NAV2: variants seen among roughly 807,000 people sequenced by gnomAD.
NAV2 encodes the protein neuron navigator 2.
NAV2 carries 54 observed loss-of-function variants against 223.2 expected under a neutral mutation model. The ratio of observed to expected loss-of-function variants is 0.24; its 90% CI spans 0.19 to 0.30. The LOEUF is 0.30. Among genes scored for constraint, NAV2 ranks in the 10% least tolerant of loss-of-function variants. The pLI is 1.00. For synonymous variants in NAV2, 1,279 were observed against 1,239.3 expected (o/e 1.03, Z -0.67); for missense variants, 2,806 against 3,147.5 (o/e 0.89, Z 2.60).
In NAV2 at chr11:19,805,595, T is replaced by C. The variant is rs1185453890; in HGVS notation, c.268-26889T>C. Reference sequence around the variant, plus strand: ...AGGTGACAGCTATTTATGGTTCCTATTGACTAGGGCCAAACCTGAACTGTC... The same window carrying C: ...AGGTGACAGCTATTTATGGTTCCTACTGACTAGGGCCAAACCTGAACTGTC... On this transcript the variant is annotated intron_variant, in intron 1 of 37. Coordinates refer to ENST00000349880, the MANE Select transcript of NAV2 (RefSeq NM_145117.5). Among the ~76,000 whole-genome samples the C allele has an allele frequency of 3.3e-5, 5 of 152,366 alleles. No individual in the cohort carries two copies. In the East Asian group the frequency reaches 9.6e-4, roughly 29 times the overall value.
At chr11:19,440,632 G>T (rs926786756) in intron 1 of NAV2, among the ~76,000 whole-genome samples, 4 of 152,196 alleles carry the variant, frequency 2.6e-5, no homozygotes, top group African/African-American at 9.6e-5. Context: ...TAGGTTAAGT[G>T]CAGTCAAGTA....
intron 1 of NAV2, among the ~76,000 whole-genome samples, chr11:19,695,514 G>A (rs890842097): frequency 6.6e-6 from 1 of 152,032 alleles, no homozygotes; most frequent in African/African-American, 2.4e-5. Context: ...TAGCTGTCCT[G>A]GGATTGATTG....
intron 11 of NAV2, among the ~76,000 whole-genome samples, chr11:20,005,917 T>A (rs1771860695): frequency 1.3e-5 from 2 of 152,254 alleles, no homozygotes; most frequent in South Asian, 4.1e-4. Context: ...TTGACTCATT[T>A]AATCCTCATG....
intron 1 of NAV2, among the ~76,000 whole-genome samples, chr11:19,380,084 T>C (rs1848785719): frequency 6.6e-6 from 1 of 152,230 alleles, no homozygotes; most frequent in African/African-American, 2.4e-5. Context: ...CCCTTTTACC[T>C]AATCTTCTTC....
intron 1 of NAV2, among the ~76,000 whole-genome samples, chr11:19,573,629 G>A (rs1294401598): frequency 6.6e-6 from 1 of 152,206 alleles, no homozygotes; most frequent in African/African-American, 2.4e-5. Flanking sequence ...TTATGGATGG[G>A]AAAGCTAGGT....
intron 1 of NAV2, among the ~76,000 whole-genome samples, chr11:19,555,821 T>C (rs1342695024): frequency 1.3e-5 from 2 of 152,044 alleles, no homozygotes; most frequent in Admixed American, 6.6e-5. Flanking sequence ...TGGAAGAAGA[T>C]GTACCTTCCT....
chr11:20,073,899 A>AT (rs1321063649), intron 22 of NAV2, among the ~76,000 whole-genome samples: 10 of 152,170 alleles, frequency 6.6e-5, no homozygotes, highest in Admixed American at 2.0e-4. Flanking sequence ...GGATTCACTG[A>AT]TTTTTTGAAG....
chr11:20,058,706 C>A (rs2058513393), intron 19 of NAV2, among the ~76,000 whole-genome samples: 1 of 152,220 alleles, frequency 6.6e-6, no homozygotes, highest in South Asian at 2.1e-4. Context: ...GGCACCTCTA[C>A]TGTTAGCAGT....
chr11:20,068,064 G>GA, intron 20 of NAV2, 122 bp from the exon 21 acceptor site: 1 of 925,524 alleles, frequency 1.1e-6, no homozygotes, highest in South Asian at 1.5e-5. Flanking sequence ...AAATACACCA[G>GA]AAAAGAAACT....
chr11:19,738,772 T>G (rs2052549909), intron 1 of NAV2, among the ~76,000 whole-genome samples: 1 of 152,172 alleles, frequency 6.6e-6, no homozygotes, highest in Non-Finnish European at 1.5e-5. Flanking sequence ...AAGGTAAGGC[T>G]TCTGCTGCTC....
chr11:19,663,708 T>G (rs2048344879), intron 1 of NAV2, among the ~76,000 whole-genome samples: 1 of 152,218 alleles, frequency 6.6e-6, no homozygotes, highest in Non-Finnish European at 1.5e-5. Flanking sequence ...ATTTTCTCCC[T>G]CTATTATTCA....
intron 1 of NAV2, among the ~76,000 whole-genome samples, chr11:19,456,974 A>G (rs1851979734): frequency 6.6e-6 from 1 of 152,080 alleles, no homozygotes; most frequent in Non-Finnish European, 1.5e-5. Flanking sequence ...ACCTCTTAGG[A>G]CTCGGCTCTT....
At chr11:20,103,116 C>A in intron 32 of NAV2, 139 bp from the exon 33 acceptor site, 3 of 763,054 alleles carry the variant, frequency 3.9e-6, no homozygotes, top group South Asian at 2.0e-5. Flanking sequence ...AGGCAGGCAC[C>A]CAGAATGTGT....
chr11:19,543,567 C>T (rs2044397721), intron 1 of NAV2, among the ~76,000 whole-genome samples: 1 of 152,184 alleles, frequency 6.6e-6, no homozygotes, highest in Non-Finnish European at 1.5e-5. Context: ...GATTAAAAAA[C>T]GTTCAATTTG....
At chr11:19,577,639 T>C (rs2045606338) in intron 1 of NAV2, among the ~76,000 whole-genome samples, 4 of 152,254 alleles carry the variant, frequency 2.6e-5, no homozygotes. Flanking sequence ...TTTATCACAG[T>C]TATTTCCTTT....
At chr11:20,076,366 T>G (rs1184419124) in intron 22 of NAV2, among the ~76,000 whole-genome samples, 3 of 152,190 alleles carry the variant, frequency 2.0e-5, no homozygotes, top group Non-Finnish European at 4.4e-5. Context: ...GTGGATACAG[T>G]AAGGAGCAAG....
intron 1 of NAV2, among the ~76,000 whole-genome samples, chr11:19,794,593 G>A (rs1590582134): frequency 6.6e-6 from 1 of 152,134 alleles, no homozygotes; most frequent in East Asian, 1.9e-4. Context: ...AATGACCATG[G>A]TAGGTCCACA....
At chr11:20,017,442 C>T (rs929262289) in intron 11 of NAV2, among the ~76,000 whole-genome samples, 1 of 152,006 alleles carries the variant, frequency 6.6e-6, no homozygotes, top group African/African-American at 2.4e-5. Flanking sequence ...TTAAATGTCA[C>T]TTCCTGGGAA....
At chr11:20,027,278 C>T (rs2055185998) in intron 11 of NAV2, 16 of 985,062 alleles carry the variant, frequency 1.6e-5, no homozygotes, top group Non-Finnish European at 1.8e-5. Context: ...CACTCATCCA[C>T]ACCAAAGGAT....
Sources: allele counts gnomAD v4.1 joint callset (sites outside exome capture counted in the v4.1 genomes callset), GRCh38; gene constraint gnomAD v4.1.1; transcripts MANE v1.5; gene names NCBI Gene and HGNC (gene_info 2026-07-23, HGNC 2026-07-21).